The following DCP1B variants were observed in gnomAD, a reference collection of about 807,000 sequenced individuals.
DCP1B encodes the protein mRNA-decapping enzyme 1B.
In DCP1B, 47 loss-of-function variants were observed where a neutral mutation model predicts 60.5. The observed-to-expected ratio is 0.78, with a 90% CI of 0.61 to 0.99. DCP1B has a LOEUF of 0.99. Among genes scored for constraint, DCP1B ranks in the 50% least tolerant of loss-of-function variants. The probability of loss-of-function intolerance (pLI) is 0.00; values close to 1 mark genes in which losing one functional copy is unlikely to be tolerated. For missense variants in DCP1B, 725 were observed against 756.8 expected, an observed-to-expected ratio of 0.96 and a Z score of 0.49; for synonymous variants, 267 against 280.3, an observed-to-expected ratio of 0.95 and a Z score of 0.47.
chr12:1,953,314 T>G (rs1386568259), intron 6 of DCP1B, 26 bp from the exon 7 acceptor site: 2 of 1,536,626 alleles, frequency 1.3e-6, no homozygotes, highest in Non-Finnish European at 1.7e-6. Flanking sequence ...ATATCTGACA[T>G]GAGTCTACAA....
intron 7 of DCP1B, among the ~76,000 whole-genome samples, chr12:1,950,811 T>C (rs2030639758): frequency 2.6e-5 from 4 of 152,094 alleles, no homozygotes; most frequent in Admixed American, 2.6e-4. Flanking sequence ...CATACCCGGC[T>C]AATTAAAAAC....
chr12:1,945,763 C>T (rs2030395808), downstream of DCP1B, among the ~76,000 whole-genome samples: 1 of 152,180 alleles, frequency 6.6e-6, no homozygotes. Context: ...AACCATCATT[C>T]TCAGCAAACT....
intron 3 of DCP1B, among the ~76,000 whole-genome samples, chr12:1,974,148 G>A (rs1206369797): frequency 1.3e-5 from 2 of 152,192 alleles, no homozygotes; most frequent in Non-Finnish European, 2.9e-5. Context: ...GAGTTGAAAT[G>A]AAATCTAAGA....
At chr12:1,952,225 G>C (rs1214806235) in intron 7 of DCP1B, among the ~76,000 whole-genome samples, 191 bp downstream of exon 7, 1 of 152,078 alleles carries the variant, frequency 6.6e-6, no homozygotes, top group Non-Finnish European at 1.5e-5. Context: ...CCAGGCTGGA[G>C]TGCAGTGGCA....
rs1473391410 is a variant in DCP1B at position 1,971,404 on chromosome 12, G to GA, written c.320-3495dup. Among the ~76,000 whole-genome samples, 2 of 151,964 alleles carry GA rather than the reference G, an allele frequency of 1.3e-5. No homozygotes were observed. The highest frequency in any genetic ancestry group is 4.8e-5 in the African/African-American group (2 of 41,358). Reference sequence around the variant, plus strand: ...TGCCGTTCTTTGGAAATTCTCAATTGAAAAAAAGTGATGTTTGAGGCAACA... The same window carrying GA: ...TGCCGTTCTTTGGAAATTCTCAATTGAAAAAAAAGTGATGTTTGAGGCAACA... On this transcript the variant is annotated intron_variant, in intron 3 of 8. Coordinates refer to ENST00000280665, the MANE Select transcript of DCP1B (RefSeq NM_152640.5). This position sits in a 1 kb window ranked among gnomAD's most constrained non-coding sequence, Gnocchi z 4.2.
intron 1 of DCP1B, among the ~76,000 whole-genome samples, chr12:1,999,528 C>T (rs1405781752): frequency 6.6e-6 from 1 of 152,126 alleles, no homozygotes; most frequent in African/African-American, 2.4e-5. Flanking sequence ...TGAGACCAGC[C>T]TGGGCAACAT....
chr12:1,996,408 T>C (rs2040798069), intron 2 of DCP1B, among the ~76,000 whole-genome samples: 1 of 151,912 alleles, frequency 6.6e-6, no homozygotes, highest in Non-Finnish European at 1.5e-5. Flanking sequence ...CACCAGGTTC[T>C]CCGCCCCTGC....
intron 3 of DCP1B, among the ~76,000 whole-genome samples, chr12:1,978,172 C>G (rs1000324735): frequency 2.0e-5 from 3 of 152,158 alleles, no homozygotes; most frequent in Admixed American, 2.0e-4. Context: ...TGTCGCAACC[C>G]AGAGAAAGGG....
At chr12:1,994,915 C>A (rs74059689) in intron 2 of DCP1B, among the ~76,000 whole-genome samples, 1 of 121,988 alleles carries the variant, frequency 8.2e-6, no homozygotes, top group Admixed American at 9.0e-5. Flanking sequence ...CTCCCACCCC[C>A]CACCCACCAT....
At chr12:1,943,562 C>T (rs764553226), downstream of DCP1B, among the ~76,000 whole-genome samples, 1 of 152,298 alleles carries the variant, frequency 6.6e-6, no homozygotes, top group South Asian at 2.1e-4. Flanking sequence ...CAAACCGAAT[C>T]CAGCAGCACA....
chr12:1,980,108 C>T (rs191292703), intron 3 of DCP1B, among the ~76,000 whole-genome samples: 1 of 152,260 alleles, frequency 6.6e-6, no homozygotes, highest in East Asian at 1.9e-4. Context: ...CAATTTCACT[C>T]CTAGGTATAA....
In DCP1B at chr12:1,952,452, C is replaced by T. The variant is rs368813708; in HGVS notation, c.1488G>A (p.Lys496=). The change falls in exon 7 of 9, where the codon AAG becomes AAA. Residue 496 remains lysine, a synonymous_variant. Coordinates refer to ENST00000280665, the MANE Select transcript of DCP1B (RefSeq NM_152640.5). The part of the protein sequence containing the change: ...TGKPLESWIN[K]TPNTEQQTPL... ...GAGTCTGCTGTTCTGTGTTGGGTGT[C>T]TTGTTGATCCAGGATTCCAAGGGTT... is the stretch of plus-strand genomic sequence containing the variant. 3.7e-5 allele frequency: 60 copies of T among 1,608,706 alleles called. No individual in the cohort carries two copies. The highest frequency in any genetic ancestry group is 4.9e-5 in the Non-Finnish European group (58 of 1,176,498).
In DCP1B at chr12:1,996,642, A is replaced by C. The variant is rs1001275461; in HGVS notation, c.191+1293T>G. Among the ~76,000 whole-genome samples the C allele has an allele frequency of 2.9e-4, 34 of 116,804 alleles. 1 individual carries two copies. Among genetic ancestry groups the C allele is most frequent in the African/African-American group, 1.0e-3 (28 of 28,006 alleles). The allele number at this position is 116,804 out of a possible 152,430, so 76.6% of individuals were successfully genotyped here. On this transcript the variant is annotated intron_variant, in intron 2 of 8. Coordinates refer to ENST00000280665, the MANE Select transcript of DCP1B (RefSeq NM_152640.5). ...AAAAAAAAAAAAAAAAAAAAAAAAA[A>C]AAAAAAAAAAAAACAACAAACTCTT...
At chr12:1,977,720 T>C (rs904987725) in intron 3 of DCP1B, among the ~76,000 whole-genome samples, 15 of 152,212 alleles carry the variant, frequency 9.9e-5, no homozygotes, top group South Asian at 6.2e-4. Flanking sequence ...AATGGTAACA[T>C]AGTGGCAGAG....
At position 1,969,296 on chromosome 12, in the gene DCP1B, T is replaced by C. The variant is rs1302439220; in HGVS notation, c.320-1386A>G. 2.0e-5 allele frequency among the ~76,000 whole-genome samples: 3 copies of C among 152,334 alleles called. No homozygotes were observed. The East Asian group carries it at 5.8e-4, about 29-fold the overall frequency. ...TATCAAAAGGTACAAGAAATGTCTT[T>C]ATAGTGCTATTTTAAGCAGGTATCT... On this transcript the variant is annotated intron_variant, in intron 3 of 8. Coordinates refer to ENST00000280665, the MANE Select transcript of DCP1B (RefSeq NM_152640.5).
intron 3 of DCP1B, among the ~76,000 whole-genome samples, chr12:1,983,276 C>T (rs868411580): frequency 5.9e-5 from 9 of 151,662 alleles, no homozygotes; most frequent in African/African-American, 2.2e-4. Context: ...TTCTTTCCTT[C>T]TGTTTGCTTT....
In DCP1B at chr12:1,952,614, G is replaced by T. The variant is rs1409504034; in HGVS notation, c.1326C>A (p.Gly442=). 1 of 1,614,172 alleles carries T rather than the reference G, an allele frequency of 6.2e-7. No homozygotes were observed. The highest frequency in any genetic ancestry group is 1.7e-5 in the Admixed American group (1 of 60,022). ...QTLPISGSQT[G]SSGVISPQEL... is the part of the protein sequence containing the mutation. ...CTTGAGGGGAGATCACTCCAGAGCT[G>T]CCAGTCTGACTACCAGAGATGGGGA... The change falls in exon 7 of 9, where the codon GGC becomes GGA. Residue 442 remains glycine (G), a synonymous_variant. Coordinates refer to ENST00000280665, the MANE Select transcript of DCP1B (RefSeq NM_152640.5).
chr12:2,000,931 G>A (rs1013910597), intron 1 of DCP1B, among the ~76,000 whole-genome samples: 6 of 152,102 alleles, frequency 3.9e-5, no homozygotes, highest in African/African-American at 1.4e-4. Context: ...TGGATACTCT[G>A]GAGGCTGAGG....
intron 5 of DCP1B, among the ~76,000 whole-genome samples, chr12:1,964,833 G>A (rs2031239275): frequency 6.6e-6 from 1 of 152,134 alleles, no homozygotes; most frequent in East Asian, 1.9e-4. Flanking sequence ...TTGAAATGTT[G>A]ACTTCAATGT....
Sources: allele counts gnomAD v4.1 joint callset (sites outside exome capture counted in the v4.1 genomes callset), GRCh38; gene constraint gnomAD v4.1.1; non-coding constraint Gnocchi (gnomAD v3.1); transcripts MANE v1.5; gene names NCBI Gene and HGNC (gene_info 2026-07-23, HGNC 2026-07-21).